The following PXDNL variants were observed in gnomAD, a reference collection of about 807,000 sequenced individuals.
PXDNL encodes probable oxidoreductase PXDNL.
In PXDNL, 145 loss-of-function variants were observed where a neutral mutation model predicts 150.8. The ratio of observed to expected loss-of-function variants is 0.96; its 90% CI spans 0.84 to 1.10. The LOEUF (loss-of-function observed/expected upper bound fraction) is 1.10, where lower values mean the gene tolerates loss of function less well. Ranked by LOEUF, PXDNL falls within the 50% of genes least tolerant of loss-of-function variation. PXDNL has a pLI of 0.00. For missense variants in PXDNL, 2,087 were observed against 1,873.9 expected (o/e 1.11, Z -2.10); for synonymous variants, 757 against 725.7 (o/e 1.04, Z -0.69).
chr8:51,339,817 T>C, intron 20 of PXDNL, 64 bp from the exon 21 acceptor site: 1 of 1,513,082 alleles, frequency 6.6e-7, no homozygotes, highest in Non-Finnish European at 9.0e-7. Flanking sequence ...TTTTAAAATA[T>C]CATCAAATCT....
intron 5 of PXDNL, among the ~76,000 whole-genome samples, chr8:51,491,740 C>A (rs1810900729): frequency 6.6e-6 from 1 of 152,178 alleles, no homozygotes. Context: ...GACAAAAATA[C>A]AAGGCTTGGT....
rs375591010 is a variant in PXDNL at position 51,457,478 on chromosome 8, C to A, written c.982+20G>T. 1.3e-4 allele frequency: 200 copies of A among 1,584,104 alleles called. 2 individuals carry two copies. The African/African-American group carries it at 2.5e-3, about 20-fold the overall frequency. ...TTTCCAGTGCAGATAATTGATAGAA[C>A]TAGAAAATAATAGTTTTACCTGGAA... On this transcript the variant is annotated intron_variant, in intron 9 of 22. Coordinates refer to ENST00000356297, the MANE Select transcript of PXDNL (RefSeq NM_144651.5).
chr8:51,360,297 ATACATGTGCATGCTTACACATG>A (rs1281390142), intron 19 of PXDNL, among the ~76,000 whole-genome samples: 2 of 152,180 alleles, frequency 1.3e-5, no homozygotes, highest in Non-Finnish European at 2.9e-5. Flanking sequence ...GCATACACCC[ATACATGTGCATGCTTACACATG>A]TACACACATC....
At chr8:51,567,791 G>C (rs564317274) in intron 3 of PXDNL, among the ~76,000 whole-genome samples, 2 of 151,642 alleles carry the variant, frequency 1.3e-5, no homozygotes, top group African/African-American at 4.8e-5. Context: ...GATATAAAAC[G>C]ATGCGACATT....
intron 2 of PXDNL, among the ~76,000 whole-genome samples, chr8:51,640,718 C>T (rs535607141): frequency 4.3e-4 from 65 of 152,146 alleles, no homozygotes; most frequent in African/African-American, 1.4e-3. Context: ...TACAAAGAAA[C>T]GGAAGAACAT....
intron 1 of PXDNL, among the ~76,000 whole-genome samples, chr8:51,768,900 C>T (rs566041042): frequency 6.6e-6 from 1 of 152,276 alleles, no homozygotes; most frequent in South Asian, 2.1e-4. Context: ...TCGAGACTAT[C>T]CTGGCTAACA....
At position 51,714,522 on chromosome 8, in the gene PXDNL, T is replaced by C. The variant is rs540168376; in HGVS notation, c.165-59762A>G. Among the ~76,000 whole-genome samples, 3 of 152,298 alleles carry C rather than the reference T, an allele frequency of 2.0e-5. No individual in the cohort carries two copies. The East Asian group carries it at 5.8e-4, about 29-fold the overall frequency. On this transcript the variant is annotated intron_variant, in intron 1 of 22. Transcript: ENST00000356297. ...AAAAAAAGATTTTGGGGTTATAATATTCTGGAAAATGCTTAAGTTTAAATA... is the reference window on the plus strand; with the variant it reads ...AAAAAAAGATTTTGGGGTTATAATACTCTGGAAAATGCTTAAGTTTAAATA...
Position 51,489,736 on chromosome 8 carries a change from T to A in PXDNL, c.453-6022A>T, listed in dbSNP as rs550379655. 3.9e-5 allele frequency among the ~76,000 whole-genome samples: 6 copies of A among 152,312 alleles called. No homozygotes were observed. The South Asian group carries it at 1.2e-3, about 32-fold the overall frequency. ...GGATTCTTCAAAGATCAAGGGAAAC[T>A]TCTTGAACTTATAATTTTATAACAG... On this transcript the variant is annotated intron_variant, in intron 5 of 22. Transcript: ENST00000356297.
chr8:51,452,221 A>G (rs1377385535), intron 10 of PXDNL, among the ~76,000 whole-genome samples: 1 of 152,262 alleles, frequency 6.6e-6, no homozygotes, highest in East Asian at 1.9e-4. Flanking sequence ...TAAGCAAAAC[A>G]AAACCCAAAC....
At chr8:51,414,961 T>C (rs1808756286) in intron 14 of PXDNL, among the ~76,000 whole-genome samples, 1 of 152,178 alleles carries the variant, frequency 6.6e-6, no homozygotes, top group Non-Finnish European at 1.5e-5. Context: ...TAAAGCCAAA[T>C]TTTGACAGGA....
At chr8:51,744,130 G>GAA (rs1230703713) in intron 1 of PXDNL, among the ~76,000 whole-genome samples, 8 of 105,704 alleles carry the variant, frequency 7.6e-5, no homozygotes, top group South Asian at 3.9e-4. Flanking sequence ...AAGGAAGAAA[G>GAA]AGAAAGGAAG....
At chr8:51,796,113 T>TA (rs2037557398) in intron 1 of PXDNL, among the ~76,000 whole-genome samples, 2 of 152,200 alleles carry the variant, frequency 1.3e-5, no homozygotes, top group Non-Finnish European at 2.9e-5. Context: ...TTGTGGCTAT[T>TA]ACTATAACTA....
chr8:51,570,798 G>T (rs1416454104), intron 3 of PXDNL, among the ~76,000 whole-genome samples: 1 of 151,610 alleles, frequency 6.6e-6, no homozygotes, highest in African/African-American at 2.4e-5. Context: ...TGTATAAAAT[G>T]GTAAATGAGA....
intron 1 of PXDNL, among the ~76,000 whole-genome samples, chr8:51,780,482 A>G (rs1461953051): frequency 6.6e-6 from 1 of 152,062 alleles, no homozygotes; most frequent in Non-Finnish European, 1.5e-5. Flanking sequence ...TTATCCTACA[A>G]TGAGAAACCT....
chr8:51,781,398 A>G (rs2037413717), intron 1 of PXDNL, among the ~76,000 whole-genome samples: 1 of 152,162 alleles, frequency 6.6e-6, no homozygotes, highest in African/African-American at 2.4e-5. Flanking sequence ...GCCATCATAA[A>G]AGAGCTGCTG....
chr8:51,386,955 T>G (rs1807736274), intron 17 of PXDNL, among the ~76,000 whole-genome samples: 1 of 152,234 alleles, frequency 6.6e-6, no homozygotes, highest in South Asian at 2.1e-4. Flanking sequence ...ACTGCAAAAC[T>G]ATTTTGGCTT....
chr8:51,549,995 G>A (rs1220338931), intron 4 of PXDNL, among the ~76,000 whole-genome samples: 3 of 152,100 alleles, frequency 2.0e-5, no homozygotes, highest in Admixed American at 1.3e-4. Context: ...AATGAAATGG[G>A]TGATATTAAA....
chr8:51,416,840 T>G (rs1415273252), intron 14 of PXDNL, among the ~76,000 whole-genome samples: 1 of 152,222 alleles, frequency 6.6e-6, no homozygotes, highest in African/African-American at 2.4e-5. Flanking sequence ...TTGTTCAGAT[T>G]CTTAAAAGCA....
At chr8:51,453,396 T>C in intron 10 of PXDNL, 123 bp downstream of exon 10, 4 of 1,087,606 alleles carry the variant, frequency 3.7e-6, no homozygotes, top group Non-Finnish European at 5.3e-6. Flanking sequence ...TCTTATTGTG[T>C]CAAAAAATAA....
Sources: gnomAD v4.1 joint callset for allele counts (sites outside exome capture counted in the v4.1 genomes callset) on GRCh38, gnomAD v4.1.1 for gene constraint, MANE v1.5 for transcripts, NCBI Gene and HGNC (gene_info 2026-07-23, HGNC 2026-07-21) for gene names.